Variants in PHLPP2 observed in about 807,000 individuals in gnomAD.
PHLPP2 encodes the protein PH domain leucine-rich repeat-containing protein phosphatase 2.
Under a neutral mutation model 124.9 loss-of-function variants are expected in PHLPP2, and 66 were observed. That is an observed-to-expected ratio of 0.53 (90% confidence interval 0.43 to 0.65). The LOEUF is 0.65. Ranked by LOEUF, PHLPP2 falls within the 30% of genes least tolerant of loss-of-function variation. The pLI, the probability that PHLPP2 is intolerant of heterozygous loss-of-function variation, is 0.00. For synonymous variants in PHLPP2, 681 were observed against 624.7 expected (o/e 1.09, Z -1.34); for missense variants, 1,685 against 1,600.4 (o/e 1.05, Z -0.90).
intron 5 of PHLPP2, among the ~76,000 whole-genome samples, chr16:71,684,202 T>G (rs185821979): frequency 6.7e-6 from 1 of 149,068 alleles, no homozygotes; most frequent in Non-Finnish European, 1.5e-5. Context: ...GTCGGCTCAC[T>G]GCAACCTCTA....
intron 6 of PHLPP2, among the ~76,000 whole-genome samples, chr16:71,680,079 T>C (rs1328067828): frequency 6.7e-6 from 1 of 150,150 alleles, no homozygotes; most frequent in Non-Finnish European, 1.5e-5. Flanking sequence ...TGAGACTCTG[T>C]CTCAAAAAAA....
At position 71,704,047 on chromosome 16, in the gene PHLPP2, G is replaced by A. The variant is rs186118417; in HGVS notation, c.285-1316C>T. ...GTTCAGAAAACTTAAGAATAGCCGGGCGCAGTGGCTCACGCCTGTAATCCC... is the reference window on the plus strand; with the variant it reads ...GTTCAGAAAACTTAAGAATAGCCGGACGCAGTGGCTCACGCCTGTAATCCC... On this transcript the variant is annotated intron_variant, in intron 2 of 18. Coordinates refer to ENST00000568954, the MANE Select transcript of PHLPP2 (RefSeq NM_015020.3). 4.3e-3 allele frequency among the ~76,000 whole-genome samples: 657 copies of A among 152,280 alleles called. 10 individuals are homozygous for A. The highest frequency in any genetic ancestry group is 0.015 in the African/African-American group (637 of 41,562).
In PHLPP2 at chr16:71,649,387, T is replaced by C; in HGVS notation, c.3475A>G (p.Ile1159Val). 1.2e-6 allele frequency: 2 copies of C among 1,614,094 alleles called. No individual in the cohort carries two copies. Among genetic ancestry groups the C allele is most frequent in the Non-Finnish European group, 8.5e-7 (1 of 1,179,962 alleles). ...ACCTCTACCTTGCTGCCATTGGTTA[T>C]GACCCCCTCAACGGGCTGGTCATCA... ...SDDDQPVEGV[I>V]TNGSKVEVEV... Residue 1159 changes from isoleucine (I) to valine (V), a missense_variant, in exon 19 of 19, where the codon ATA becomes GTA. Transcript: ENST00000568954.
Position 71,715,834 on chromosome 16 carries a change from A to C in PHLPP2, c.-6-1033T>G, listed in dbSNP as rs895078065. Among the ~76,000 whole-genome samples the C allele has an allele frequency of 1.7e-4, 26 of 151,000 alleles. 1 individual carries two copies. The highest frequency in any genetic ancestry group is 2.4e-4 in the African/African-American group (10 of 40,852). On this transcript the variant is annotated intron_variant, in intron 1 of 18. Transcript: ENST00000568954. ...CTCCACTAAAAATACAAAAAAAAAA[A>C]AAAAACAAAAAATTAGCCGAGTGTG... is the stretch of plus-strand genomic sequence containing the variant.
rs1340410391 is a variant in PHLPP2, at chr16:71,644,978, T to C, written c.*3912A>G. 7 of 292,732 alleles carry C rather than the reference T, an allele frequency of 2.4e-5. No individual in the cohort carries two copies. Among genetic ancestry groups the C allele is most frequent in the African/African-American group, 9.0e-5 (4 of 44,270 alleles). 18.1% of individuals were successfully genotyped at this position (292,732 alleles called of 1,614,324 possible). A position where few individuals can be genotyped will look rare whatever the true frequency, so the allele number is the denominator to read the frequency against. Reference sequence around the variant, plus strand: ...ACTTTATTTTATTTATTATTGTTATTGTTATTTTTACAAACAATAGATTTG... The same window carrying C: ...ACTTTATTTTATTTATTATTGTTATCGTTATTTTTACAAACAATAGATTTG... On this transcript the variant is annotated 3_prime_UTR_variant, in exon 19 of 19. Coordinates refer to ENST00000568954, the MANE Select transcript of PHLPP2 (RefSeq NM_015020.3).
At chr16:71,676,943 T>C (rs910449523) in intron 8 of PHLPP2, 1 of 343,656 alleles carries the variant, frequency 2.9e-6, no homozygotes, top group Non-Finnish European at 5.5e-6. Flanking sequence ...GAGCTGGGGT[T>C]TCACCATGTT....
intron 1 of PHLPP2, chr16:71,723,712 C>G (rs1597023602): frequency 4.7e-6 from 4 of 846,652 alleles, no homozygotes; most frequent in Non-Finnish European, 6.7e-6. Flanking sequence ...CGTTCCCTCC[C>G]TAGTCCGCTT....
At chr16:71,673,057 G>A (rs1596998024) in intron 9 of PHLPP2, among the ~76,000 whole-genome samples, 1 of 152,092 alleles carries the variant, frequency 6.6e-6, no homozygotes, top group African/African-American at 2.4e-5. Flanking sequence ...TCTCATGCCT[G>A]TAAAAAATTA....
intron 3 of PHLPP2, among the ~76,000 whole-genome samples, chr16:71,695,477 G>A (rs2045160099): frequency 6.6e-6 from 1 of 152,220 alleles, no homozygotes; most frequent in African/African-American, 2.4e-5. Context: ...GGGAGGCCAA[G>A]GCCGTCGGAT....
chr16:71,718,531 G>T (rs908098688), intron 1 of PHLPP2, among the ~76,000 whole-genome samples: 1 of 150,470 alleles, frequency 6.6e-6, no homozygotes, highest in Admixed American at 6.6e-5. Context: ...AGTGAGCCGA[G>T]ATTGCGCCAC....
At chr16:71,705,472 T>C (rs138589991) in intron 2 of PHLPP2, among the ~76,000 whole-genome samples, 1 of 152,182 alleles carries the variant, frequency 6.6e-6, no homozygotes, top group Non-Finnish European at 1.5e-5. Context: ...CTGTAGATTT[T>C]GGAAACCCTC....
At position 71,664,002 on chromosome 16, in the gene PHLPP2, TCAGATAAAG is replaced by T; in HGVS notation, c.1873_1881del (p.Leu625_Leu627del). On this transcript the variant is annotated inframe_deletion, in exon 13 of 19. Coordinates refer to ENST00000568954, the MANE Select transcript of PHLPP2 (RefSeq NM_015020.3). The stretch of plus-strand genomic sequence containing the variant: ...CACTGATCCGTCAGGAGATTGTTGG[TCAGATAAAG>T]CAGCTGCAGCATACTCAAACTCTCC... The T allele has an allele frequency of 6.2e-7, 1 of 1,613,948 alleles. No homozygotes were observed. The highest frequency in any genetic ancestry group is 8.5e-7 in the Non-Finnish European group (1 of 1,179,838).
intron 1 of PHLPP2, among the ~76,000 whole-genome samples, chr16:71,720,414 A>G: frequency 6.6e-6 from 1 of 152,148 alleles, no homozygotes; most frequent in East Asian, 1.9e-4. Flanking sequence ...CACTGTGCCC[A>G]GCCCAGTTTT....
Position 71,658,281 on chromosome 16 carries a change from G to C in PHLPP2, c.2231C>G (p.Thr744Ser). 1.9e-6 allele frequency: 3 copies of C among 1,613,768 alleles called. No homozygotes were observed. The highest frequency in any genetic ancestry group is 2.5e-6 in the Non-Finnish European group (3 of 1,179,738). ...TTCCAGAACCAGATTTGTATTTCCA[G>C]TCAGGTCAAGGTCTTGTAATGTAGC... The part of the protein sequence containing the change: ...LPATLQDLDL[T>S]GNTNLVLEHK... Residue 744 changes from threonine (T) to serine (S), a missense_variant, in exon 15 of 19, where the codon ACT (threonine) becomes AGT (serine). Thr to Ser is a moderately conservative substitution (Grantham distance 58). Coordinates refer to ENST00000568954, the MANE Select transcript of PHLPP2 (RefSeq NM_015020.3).
At chr16:71,691,401 C>A (rs1035164603) in intron 3 of PHLPP2, among the ~76,000 whole-genome samples, 11 of 151,826 alleles carry the variant, frequency 7.2e-5, no homozygotes, top group Non-Finnish European at 1.3e-4. Context: ...GCAAAGCTTG[C>A]AGTGAGCCAA....
At chr16:71,659,555 A>T (rs927331447) in intron 13 of PHLPP2, among the ~76,000 whole-genome samples, 8 of 152,094 alleles carry the variant, frequency 5.3e-5, no homozygotes, top group African/African-American at 1.9e-4. Context: ...CCGGCCCATC[A>T]CTAAGATTCT....
chr16:71,691,666 A>C (rs561905504), intron 3 of PHLPP2, among the ~76,000 whole-genome samples: 1 of 152,194 alleles, frequency 6.6e-6, no homozygotes, highest in South Asian at 2.1e-4. Flanking sequence ...TCTGCCACTA[A>C]TATGGAAAAG....
rs754915153 is a variant in PHLPP2 at position 71,646,002 on chromosome 16, C to G, written c.*2888G>C. On this transcript the variant is annotated 3_prime_UTR_variant, in exon 19 of 19. Transcript: ENST00000568954. ...CTCTCAGAAATTATCTTAAGCTTCT[C>G]TACTCAATGGGAGGTACACACAGAG... is the stretch of plus-strand genomic sequence containing the variant. 2 of 152,604 alleles carry G rather than the reference C, an allele frequency of 1.3e-5. No homozygotes were observed. The highest frequency in any genetic ancestry group is 2.9e-5 in the Non-Finnish European group (2 of 68,042). The allele number at this position is 152,604 out of a possible 1,614,324, so 9.5% of individuals were successfully genotyped here.
At chr16:71,688,249 A>C (rs993918525) in intron 4 of PHLPP2, among the ~76,000 whole-genome samples, 2 of 152,232 alleles carry the variant, frequency 1.3e-5, no homozygotes, top group African/African-American at 2.4e-5. Context: ...TTCCGCTAGA[A>C]GATTTAGTTT....
Sources: gnomAD v4.1 joint callset for allele counts (sites outside exome capture counted in the v4.1 genomes callset) on GRCh38, gnomAD v4.1.1 for gene constraint, MANE v1.5 for transcripts, NCBI Gene and HGNC (gene_info 2026-07-23, HGNC 2026-07-21) for gene names.